The following UBASH3B variants were observed in gnomAD, a reference collection of about 807,000 sequenced individuals.
UBASH3B encodes ubiquitin-associated and SH3 domain-containing protein B.
In UBASH3B, 37 loss-of-function variants were observed where a neutral mutation model predicts 83.4. The ratio of observed to expected loss-of-function variants is 0.44; its 90% CI spans 0.34 to 0.58. The LOEUF (loss-of-function observed/expected upper bound fraction) is 0.58. UBASH3B is among the 20% of genes least tolerant of loss of function. UBASH3B has a pLI of 0.01. For missense variants in UBASH3B, 657 were observed against 827.2 expected (o/e 0.79, Z 2.52); for synonymous variants, 304 against 318.3 (o/e 0.96, Z 0.48).
At position 122,786,991 on chromosome 11, in the gene UBASH3B, T is replaced by TC. The variant is rs953295096; in HGVS notation, c.772-2101dup. ...AGATAGAATGAATACCCACCCCCGC[T>TC]CCCCCCCCACCGCCCCACATGATAG... is the stretch of plus-strand genomic sequence containing the variant. On this transcript the variant is annotated intron_variant, in intron 5 of 13. Transcript: ENST00000284273. Among the ~76,000 whole-genome samples, 57 of 128,084 alleles carry TC rather than the reference T, an allele frequency of 4.5e-4. No individual in the cohort carries two copies. The East Asian group carries it at 4.8e-3, about 11-fold the overall frequency. The allele number at this position is 128,084 out of a possible 152,430, so 84.0% of individuals were successfully genotyped here.
At chr11:122,714,891 T>A (rs114489948) in intron 1 of UBASH3B, among the ~76,000 whole-genome samples, 19,333 of 152,166 alleles carry the variant, frequency 0.13, 1,371 homozygotes, top group African/African-American at 0.18. Flanking sequence ...AGTGCAATTT[T>A]AGTACCCATG....
rs551417301 is a variant in UBASH3B at position 122,672,096 on chromosome 11, A to G, written c.161+15886A>G. On this transcript the variant is annotated intron_variant, in intron 1 of 13. Transcript: ENST00000284273. The stretch of plus-strand genomic sequence containing the variant: ...ACAGAACCAGGCTCCTGTTAGTCCA[A>G]CAAAAGTTTACTGAGCAGTGACTTT... 2.0e-5 allele frequency among the ~76,000 whole-genome samples: 3 copies of G among 152,102 alleles called. No homozygotes were observed. The South Asian group carries it at 6.2e-4, about 32-fold the overall frequency.
At chr11:122,791,778 G>A (rs1008252875) in intron 6 of UBASH3B, among the ~76,000 whole-genome samples, 1 of 152,206 alleles carries the variant, frequency 6.6e-6, no homozygotes, top group African/African-American at 2.4e-5. Context: ...GGGGGTCAAT[G>A]ATTTTGACAA....
At chr11:122,682,496 T>A (rs1229136195) in intron 1 of UBASH3B, among the ~76,000 whole-genome samples, 1 of 152,230 alleles carries the variant, frequency 6.6e-6, no homozygotes, top group East Asian at 1.9e-4. Flanking sequence ...CAGTCTGCCT[T>A]TCCCGAGTTT....
chr11:122,767,927 T>C (rs149632904), intron 1 of UBASH3B, among the ~76,000 whole-genome samples: 258 of 152,338 alleles, frequency 1.7e-3, no homozygotes, highest in African/African-American at 6.1e-3. Context: ...GTCTTAATGA[T>C]GTCTCTGCGT....
At chr11:122,808,867 T>G (rs17126868) in intron 13 of UBASH3B, among the ~76,000 whole-genome samples, 1,524 of 152,264 alleles carry the variant, frequency 0.01, 27 homozygotes, top group African/African-American at 0.035. Flanking sequence ...TTGTCTTGTT[T>G]GTAAATGCAG....
At chr11:122,663,509 C>G (rs986179771) in intron 1 of UBASH3B, among the ~76,000 whole-genome samples, 10 of 152,328 alleles carry the variant, frequency 6.6e-5, no homozygotes, top group African/African-American at 2.4e-4. Flanking sequence ...GTCCAGCTCC[C>G]TTTCAGGGAG....
At chr11:122,685,873 G>A (rs1450335728) in intron 1 of UBASH3B, among the ~76,000 whole-genome samples, 2 of 152,102 alleles carry the variant, frequency 1.3e-5, no homozygotes, top group Non-Finnish European at 2.9e-5. Context: ...TCACCTCATG[G>A]GGTCTTCCTC....
chr11:122,806,901 A>G lies in UBASH3B; in HGVS notation c.1702+385A>G, dbSNP rs1861350751. Among the ~76,000 whole-genome samples, 1 of 152,212 alleles carries G rather than the reference A, an allele frequency of 6.6e-6. No individual in the cohort carries two copies. The highest frequency in any genetic ancestry group is 1.5e-5 in the Non-Finnish European group (1 of 68,038). ...CACAAACACATACACCTTCCCTGCT[A>G]TCACCAACCAAGAGCAGTGTTGTAT... On this transcript the variant is annotated intron_variant, in intron 12 of 13. Transcript: ENST00000284273. The surrounding 1 kb of genome is among the most constrained non-coding windows in gnomAD (Gnocchi z 4.0).
Position 122,796,975 on chromosome 11 carries a change from A to C in UBASH3B, c.1299A>C (p.Arg433=). The C allele has an allele frequency of 6.2e-7, 1 of 1,614,068 alleles. No homozygotes were observed. Among genetic ancestry groups the C allele is most frequent in the Non-Finnish European group, 8.5e-7 (1 of 1,180,002 alleles). The part of the protein sequence containing the change: ...HSLPQRSGGF[R]DYEKDAPITV... ...TACCTCAGCGGAGTGGTGGTTTCCG[A>C]GATTACGAGAAAGATGCTCCCATCA... Residue 433 remains arginine, a synonymous_variant, in exon 9 of 14, where the codon CGA becomes CGC. Coordinates refer to ENST00000284273, the MANE Select transcript of UBASH3B (RefSeq NM_032873.5).
At chr11:122,666,611 G>A (rs1863523322) in intron 1 of UBASH3B, among the ~76,000 whole-genome samples, 1 of 151,996 alleles carries the variant, frequency 6.6e-6, no homozygotes, top group South Asian at 2.1e-4. Flanking sequence ...TAGAGACGGG[G>A]TTTCACCATG....
intron 13 of UBASH3B, among the ~76,000 whole-genome samples, chr11:122,808,408 A>C (rs972746548): frequency 2.0e-5 from 3 of 152,228 alleles, no homozygotes; most frequent in Admixed American, 6.5e-5. Context: ...AAGAGCTAAA[A>C]TGTAGGAAGC....
chr11:122,776,624 G>T (rs1860739598), intron 2 of UBASH3B, among the ~76,000 whole-genome samples: 1 of 152,186 alleles, frequency 6.6e-6, no homozygotes, highest in South Asian at 2.1e-4. Context: ...ACCCAGGGTG[G>T]GTCCTACAAG....
At chr11:122,656,282 T>A in intron 1 of UBASH3B, 72 bp downstream of exon 1, 3 of 1,285,626 alleles carry the variant, frequency 2.3e-6, no homozygotes, top group Non-Finnish European at 3.0e-6. Context: ...TCGCTCCGGC[T>A]CGCCTCCCAG....
At chr11:122,767,281 A>G (rs1175056925) in intron 1 of UBASH3B, among the ~76,000 whole-genome samples, 2 of 135,546 alleles carry the variant, frequency 1.5e-5, no homozygotes, top group South Asian at 2.5e-4. Context: ...AAAAAAAAAA[A>G]GTAATCTCTG....
intron 1 of UBASH3B, among the ~76,000 whole-genome samples, chr11:122,657,827 G>A (rs1378425010): frequency 6.6e-6 from 1 of 152,090 alleles, no homozygotes; most frequent in Non-Finnish European, 1.5e-5. Context: ...GTTCTGCAGG[G>A]GTGTGTCAGG....
chr11:122,662,191 G>A (rs1328411646), intron 1 of UBASH3B, among the ~76,000 whole-genome samples: 1 of 151,828 alleles, frequency 6.6e-6, no homozygotes, highest in African/African-American at 2.4e-5. Context: ...ACAGGTGGGA[G>A]CCACCCTGCC....
intron 1 of UBASH3B, among the ~76,000 whole-genome samples, chr11:122,704,958 C>A (rs932542943): frequency 1.3e-5 from 2 of 152,150 alleles, no homozygotes; most frequent in African/African-American, 4.8e-5. Flanking sequence ...GATAAAAAGA[C>A]CTATGGTTAA....
chr11:122,693,870 CGA>C (rs1565531535), intron 1 of UBASH3B, among the ~76,000 whole-genome samples: 1 of 151,154 alleles, frequency 6.6e-6, no homozygotes, highest in Non-Finnish European at 1.5e-5. Flanking sequence ...GACTCTGTCT[CGA>C]AAAAAATAAA....
Sources: allele counts gnomAD v4.1 joint callset (sites outside exome capture counted in the v4.1 genomes callset), GRCh38; gene constraint gnomAD v4.1.1; non-coding constraint Gnocchi (gnomAD v3.1); transcripts MANE v1.5; gene names NCBI Gene and HGNC (gene_info 2026-07-23, HGNC 2026-07-21).